Variants in PBX3 observed in about 807,000 individuals in gnomAD.
The protein encoded by PBX3 is pre-B-cell leukemia transcription factor 3.
Under a neutral mutation model 48.5 loss-of-function variants are expected in PBX3, and 14 were observed. The ratio of observed to expected loss-of-function variants is 0.29; its 90% confidence interval spans 0.19 to 0.45. The LOEUF (loss-of-function observed/expected upper bound fraction) is 0.45, where lower values mean the gene tolerates loss of function less well. PBX3 is among the 20% of genes least tolerant of loss of function. The pLI, the probability that PBX3 is intolerant of heterozygous loss-of-function variation, is 1.00. For synonymous variants in PBX3, 210 were observed against 200.3 expected (o/e 1.05, Z -0.41); for missense variants, 386 against 546.7 (o/e 0.71, Z 2.93).
intron 4 of PBX3, among the ~76,000 whole-genome samples, chr9:125,930,904 T>C (rs1009202905): frequency 2.6e-5 from 4 of 152,216 alleles, no homozygotes; most frequent in African/African-American, 9.6e-5. Flanking sequence ...ATACTTCACA[T>C]ATACACTCCT....
At chr9:125,780,186 A>G (rs539885695) in intron 2 of PBX3, among the ~76,000 whole-genome samples, 3,552 of 64,948 alleles carry the variant, frequency 0.055, 200 homozygotes, top group African/African-American at 0.17. Flanking sequence ...TGGCCGGGCG[A>G]GGTGCTGATC....
chr9:125,957,733 G>A (rs1842339447), intron 5 of PBX3, among the ~76,000 whole-genome samples: 1 of 152,188 alleles, frequency 6.6e-6, no homozygotes, highest in Non-Finnish European at 1.5e-5. Context: ...AGAATTCTAA[G>A]ATGGGCCTTT....
intron 2 of PBX3, among the ~76,000 whole-genome samples, chr9:125,790,526 T>C (rs1369570381): frequency 6.6e-6 from 1 of 151,924 alleles, no homozygotes; most frequent in African/African-American, 2.4e-5. Flanking sequence ...AGTGCTGGGA[T>C]TACAGGTATG....
chr9:125,901,689 T>C (rs1840949179), intron 2 of PBX3, among the ~76,000 whole-genome samples: 1 of 151,732 alleles, frequency 6.6e-6, no homozygotes, highest in Non-Finnish European at 1.5e-5. Context: ...TTACATGTTT[T>C]CTAGAGGGTC....
chr9:125,886,221 A>G (rs1320083022), intron 2 of PBX3, among the ~76,000 whole-genome samples: 2 of 152,128 alleles, frequency 1.3e-5, no homozygotes, highest in African/African-American at 4.8e-5. Flanking sequence ...AAACTATTCT[A>G]GAAAATGTAA....
At chr9:125,790,360 C>T (rs1837566315) in intron 2 of PBX3, among the ~76,000 whole-genome samples, 1 of 151,422 alleles carries the variant, frequency 6.6e-6, no homozygotes, top group South Asian at 2.1e-4. Context: ...TCAAGTGATT[C>T]TCGTGCTTCA....
chr9:125,776,266 TTTTA>T (rs1468108682), intron 2 of PBX3, among the ~76,000 whole-genome samples: 2 of 152,210 alleles, frequency 1.3e-5, no homozygotes, highest in African/African-American at 2.4e-5. Context: ...GGAAGTTCAC[TTTTA>T]TTTCTAGTTT....
intron 2 of PBX3, among the ~76,000 whole-genome samples, chr9:125,847,535 A>G (rs1025969361): frequency 6.6e-6 from 1 of 152,042 alleles, no homozygotes; most frequent in African/African-American, 2.4e-5. Flanking sequence ...AGTAAATAGT[A>G]AAATAGTGGT....
intron 2 of PBX3, among the ~76,000 whole-genome samples, chr9:125,913,209 C>T (rs755200125): frequency 1.3e-5 from 2 of 151,870 alleles, no homozygotes; most frequent in African/African-American, 2.4e-5. Flanking sequence ...ATGAGTTTTC[C>T]GTCAGGAAAT....
At chr9:125,801,784 T>TACACACACAC (rs755443165) in intron 2 of PBX3, among the ~76,000 whole-genome samples, 18 of 74,296 alleles carry the variant, frequency 2.4e-4, no homozygotes, top group African/African-American at 7.6e-4. Flanking sequence ...TGAACATGTA[T>TACACACACAC]ACACATACAC....
intron 2 of PBX3, among the ~76,000 whole-genome samples, chr9:125,780,825 C>T (rs1401310591): frequency 2.0e-5 from 3 of 148,740 alleles, no homozygotes; most frequent in Admixed American, 6.7e-5. Flanking sequence ...CGGAGACGCT[C>T]CTCACTTCCC....
chr9:125,851,866 G>T (rs906058490), intron 2 of PBX3, among the ~76,000 whole-genome samples: 3 of 130,618 alleles, frequency 2.3e-5, no homozygotes, highest in Non-Finnish European at 3.2e-5. Flanking sequence ...AAAAATTTTT[G>T]CTGCTTTTTT....
At chr9:125,872,942 G>A (rs180778940) in intron 2 of PBX3, among the ~76,000 whole-genome samples, 1 of 151,584 alleles carries the variant, frequency 6.6e-6, no homozygotes, top group Non-Finnish European at 1.5e-5. Context: ...GCTCACGTCT[G>A]TAATCCCAGC....
chr9:125,798,912 T>G (rs1404066746), intron 2 of PBX3, among the ~76,000 whole-genome samples: 1 of 152,002 alleles, frequency 6.6e-6, no homozygotes, highest in East Asian at 1.9e-4. Context: ...TGTTAAATAA[T>G]ATATACATAT....
At chr9:125,786,486 A>G (rs893107668) in intron 2 of PBX3, among the ~76,000 whole-genome samples, 8 of 152,196 alleles carry the variant, frequency 5.3e-5, no homozygotes, top group African/African-American at 1.9e-4. Flanking sequence ...AGGAGGTGAT[A>G]TAAGGTGAAA....
rs1374166311 is a variant in PBX3 at position 125,833,743 on chromosome 9, T to C, written c.275-81943T>C. ...GTTCAAAGGAGGCTTGCAGAGTACT[T>C]GAAGCTAAAAAGTTTTAGGTGGTCT... On this transcript the variant is annotated intron_variant, in intron 2 of 8. Coordinates refer to ENST00000373489, the MANE Select transcript of PBX3 (RefSeq NM_006195.6). Among the ~76,000 whole-genome samples the C allele has an allele frequency of 4.6e-5, 7 of 152,324 alleles. No individual in the cohort carries two copies. The East Asian group carries it at 1.3e-3, about 29-fold the overall frequency.
In PBX3 at chr9:125,748,721, C is replaced by T. The variant is rs149082961; in HGVS notation, c.274+98C>T. On this transcript the variant is annotated intron_variant, in intron 2 of 8. Transcript: ENST00000373489. ...AGTTGAGAGCTGCTGCTTTTGGGCA[C>T]CGCCATCTTTGATCATTCTCTCCTT... 7.9e-4 allele frequency: 651 copies of T among 822,026 alleles called. 1 individual carries two copies. The African/African-American group carries it at 0.01, about 13-fold the overall frequency. 50.9% of individuals were successfully genotyped at this position (822,026 alleles called of 1,614,324 possible).
At chr9:125,750,661 C>T (rs1836346774) in intron 2 of PBX3, among the ~76,000 whole-genome samples, 1 of 152,192 alleles carries the variant, frequency 6.6e-6, no homozygotes, top group Admixed American at 6.5e-5. Context: ...TCAGTGATAA[C>T]TTGTAAATTA....
intron 2 of PBX3, among the ~76,000 whole-genome samples, chr9:125,786,264 A>G (rs1837454388): frequency 6.6e-6 from 1 of 152,214 alleles, no homozygotes; most frequent in Non-Finnish European, 1.5e-5. Flanking sequence ...TCACCTGCTT[A>G]TCATGGAAAA....
Sources: gnomAD v4.1 joint callset for allele counts (sites outside exome capture counted in the v4.1 genomes callset) on GRCh38, gnomAD v4.1.1 for gene constraint, MANE v1.5 for transcripts, NCBI Gene and HGNC (gene_info 2026-07-23, HGNC 2026-07-21) for gene names.